EXOC6B: variants seen among roughly 807,000 people sequenced by gnomAD.
EXOC6B encodes the protein exocyst complex component 6B, also known as SEC15 homolog B.
EXOC6B carries 54 observed loss-of-function variants against 113.5 expected under a neutral mutation model. The observed-to-expected ratio is 0.48, with a 90% confidence interval of 0.38 to 0.60. The LOEUF is 0.60. Among genes scored for constraint, EXOC6B ranks in the 20% least tolerant of loss-of-function variants. The pLI, the probability that EXOC6B is intolerant of heterozygous loss-of-function variation, is 0.00. For synonymous variants in EXOC6B, 357 were observed against 339.0 expected, an observed-to-expected ratio of 1.05 and a Z score of -0.58; for missense variants, 797 against 977.5, an observed-to-expected ratio of 0.82 and a Z score of 2.46.
rs149119780 is a variant in EXOC6B at position 72,513,010 on chromosome 2, G to A, written c.1167+122C>T. On this transcript the variant is annotated intron_variant, in intron 11 of 21. Transcript: ENST00000272427. ...AGCAGCTACTTCTATGTCTTTGAAG[G>A]ACATCTATAGCTCCAAGTGAGTGAT... 1,213 of 1,131,426 alleles carry A rather than the reference G, an allele frequency of 1.1e-3. 6 individuals are homozygous for A. The African/African-American group carries it at 0.016, about 15-fold the overall frequency. The allele number at this position is 1,131,426 out of a possible 1,614,324, so 70.1% of individuals were successfully genotyped here. A position where few individuals can be genotyped will look rare whatever the true frequency, so the allele number is the denominator to read the frequency against.
At chr2:72,181,208 C>A (rs1449676941) in intron 21 of EXOC6B, among the ~76,000 whole-genome samples, 283 of 121,736 alleles carry the variant, frequency 2.3e-3, no homozygotes, top group African/African-American at 3.4e-3. Context: ...GACTCCGTCT[C>A]AAAAAAAAAA....
chr2:72,421,659 C>T (rs376484483), intron 18 of EXOC6B, among the ~76,000 whole-genome samples: 22 of 152,374 alleles, frequency 1.4e-4, no homozygotes, highest in African/African-American at 5.0e-4. Flanking sequence ...GAGGTGACAG[C>T]GTGCTGGCAG....
At chr2:72,224,520 G>A (rs1026877494) in intron 20 of EXOC6B, among the ~76,000 whole-genome samples, 19 of 152,130 alleles carry the variant, frequency 1.2e-4, no homozygotes, top group Non-Finnish European at 2.5e-4. Context: ...TTCAAGTAGG[G>A]TACAAGTACT....
chr2:72,816,276 C>CAG (rs10682344), intron 1 of EXOC6B, among the ~76,000 whole-genome samples: 139,080 of 152,128 alleles, frequency 0.91, 63,622 homozygotes, highest in East Asian at 0.99. Flanking sequence ...TATCCAGAAA[C>CAG]AGAACTAGTT....
chr2:72,643,534 A>G (rs1223972539), intron 6 of EXOC6B, among the ~76,000 whole-genome samples: 1 of 147,544 alleles, frequency 6.8e-6, no homozygotes, highest in African/African-American at 2.5e-5. Context: ...AACACCGCAT[A>G]TTCTCACTCA....
At chr2:72,275,464 G>GT (rs1397233587) in intron 20 of EXOC6B, among the ~76,000 whole-genome samples, 1 of 152,124 alleles carries the variant, frequency 6.6e-6, no homozygotes, top group Non-Finnish European at 1.5e-5. Flanking sequence ...ATCAGGCCTG[G>GT]TAACCTCTCA....
intron 19 of EXOC6B, among the ~76,000 whole-genome samples, chr2:72,369,470 C>T (rs1327185928): frequency 6.6e-6 from 1 of 152,194 alleles, no homozygotes; most frequent in Non-Finnish European, 1.5e-5. Flanking sequence ...CCATCCCCAT[C>T]AAGCTACCAA....
Position 72,197,656 on chromosome 2 carries a change from G to A in EXOC6B, c.2197-13469C>T, listed in dbSNP as rs972856677. 2.6e-5 allele frequency among the ~76,000 whole-genome samples: 4 copies of A among 152,074 alleles called. No individual in the cohort carries two copies. The East Asian group carries it at 7.7e-4, about 29-fold the overall frequency. On this transcript the variant is annotated intron_variant, in intron 20 of 21. Transcript: ENST00000272427. ...TGGATTGGGATGGCAACAACAGGATGACAGAGGAATGGCCACTGTCTCAGG... is the reference window on the plus strand; with the variant it reads ...TGGATTGGGATGGCAACAACAGGATAACAGAGGAATGGCCACTGTCTCAGG...
rs182640094 is a variant in EXOC6B at position 72,552,496 on chromosome 2, G to C, written c.915+6957C>G. ...TTGTTTCATAAAATAGAAAAAAGGGGGAGATGTCCAACTAATTTTAATGAG... is the reference window on the plus strand; with the variant it reads ...TTGTTTCATAAAATAGAAAAAAGGGCGAGATGTCCAACTAATTTTAATGAG... On this transcript the variant is annotated intron_variant, in intron 8 of 21. Transcript: ENST00000272427. 7.2e-5 allele frequency among the ~76,000 whole-genome samples: 11 copies of C among 152,098 alleles called. 1 individual carries two copies. The highest frequency in any genetic ancestry group is 7.2e-4 in the Admixed American group (11 of 15,272).
chr2:72,191,652 T>C (rs1320061179), intron 20 of EXOC6B, among the ~76,000 whole-genome samples: 1 of 152,154 alleles, frequency 6.6e-6, no homozygotes, highest in Non-Finnish European at 1.5e-5. Flanking sequence ...CAAGCCAAAG[T>C]GGAAACCAGT....
intron 19 of EXOC6B, among the ~76,000 whole-genome samples, chr2:72,339,908 A>T (rs1234679556): frequency 1.3e-5 from 2 of 152,200 alleles, no homozygotes; most frequent in African/African-American, 4.8e-5. Context: ...ACACAAATAT[A>T]TATGAGATAT....
chr2:72,465,903 A>G (rs1026542960), intron 17 of EXOC6B, among the ~76,000 whole-genome samples: 1 of 152,130 alleles, frequency 6.6e-6, no homozygotes, highest in Non-Finnish European at 1.5e-5. Context: ...ACTTCTCTGG[A>G]CACAAATCTT....
chr2:72,614,600 A>C (rs1051304346), intron 6 of EXOC6B, among the ~76,000 whole-genome samples: 1 of 152,200 alleles, frequency 6.6e-6, no homozygotes, highest in Non-Finnish European at 1.5e-5. Context: ...ACAACAAATC[A>C]TAAGAGTAAT....
chr2:72,751,033 T>C (rs1682001488), intron 1 of EXOC6B, among the ~76,000 whole-genome samples: 1 of 151,504 alleles, frequency 6.6e-6, no homozygotes, highest in Non-Finnish European at 1.5e-5. Flanking sequence ...TTTAAAGAAA[T>C]ATAAAAAGGA....
chr2:72,713,944 C>G (rs1679434519), intron 6 of EXOC6B, among the ~76,000 whole-genome samples: 2 of 152,046 alleles, frequency 1.3e-5, no homozygotes, highest in Admixed American at 1.3e-4. Context: ...AGTGATTGAC[C>G]TCTGGCCAAT....
chr2:72,499,301 G>A (rs1307557510), intron 12 of EXOC6B, among the ~76,000 whole-genome samples: 1 of 150,572 alleles, frequency 6.6e-6, no homozygotes, highest in Admixed American at 6.6e-5. Flanking sequence ...CACTATCTCA[G>A]CTCACTGCAA....
intron 6 of EXOC6B, among the ~76,000 whole-genome samples, chr2:72,629,527 T>C (rs748045662): frequency 6.6e-6 from 1 of 152,218 alleles, no homozygotes. Flanking sequence ...AATGGAAATA[T>C]AGTGAGCATA....
Position 72,733,136 on chromosome 2 carries a change from T to G in EXOC6B, c.280-18A>C. 1 of 1,555,344 alleles carries G rather than the reference T, an allele frequency of 6.4e-7. No individual in the cohort carries two copies. Among genetic ancestry groups the G allele is most frequent in the Non-Finnish European group, 8.8e-7 (1 of 1,138,698 alleles). ...ACTTGATTCTGTGGAGAGAAGACAA[T>G]TTAAACTCATAAAAAACAAACATTT... On this transcript the variant is annotated intron_variant, in intron 2 of 21. Transcript: ENST00000272427.
chr2:72,354,667 T>C (rs1444325416), intron 19 of EXOC6B, among the ~76,000 whole-genome samples: 1 of 152,202 alleles, frequency 6.6e-6, no homozygotes, highest in East Asian at 1.9e-4. Context: ...CATTGACCCA[T>C]GTCTGAGAAA....
Sources: allele counts gnomAD v4.1 joint callset (sites outside exome capture counted in the v4.1 genomes callset), GRCh38; gene constraint gnomAD v4.1.1; transcripts MANE v1.5; gene names NCBI Gene and HGNC (gene_info 2026-07-23, HGNC 2026-07-21).